ERCC6L: variants seen among roughly 807,000 people sequenced by gnomAD.
The protein encoded by ERCC6L is DNA excision repair protein ERCC-6-like.
A neutral mutation model predicts 20.1 loss-of-function variants in ERCC6L; 7 were observed. The ratio of observed to expected loss-of-function variants is 0.35; its 90% CI spans 0.20 to 0.65. The LOEUF (loss-of-function observed/expected upper bound fraction) is 0.65, where lower values mean the gene tolerates loss of function less well. Ranked by LOEUF, ERCC6L falls within the 30% of genes least tolerant of loss-of-function variation. The pLI is 0.69. For missense variants in ERCC6L, 592 were observed against 892.4 expected (o/e 0.66, Z 4.29); for synonymous variants, 278 against 331.3 (o/e 0.84, Z 1.75).
chrX:72,212,012 T>C (rs1282403841), intron 1 of ERCC6L, among the ~76,000 whole-genome samples: 1 of 111,331 alleles, frequency 9.0e-6, no homozygotes, highest in Non-Finnish European at 1.9e-5. Flanking sequence ...TGGTGGCTCA[T>C]GCCTGTAATC....
Position 72,208,565 on chromosome X carries a change from C to G in ERCC6L, c.202G>C (p.Glu68Gln). Reference sequence around the variant, plus strand: ...TCATCTCCCTGTTCTGCCAACTCCTCCAAGGCTTCCTGTATTTTTTGGATT... The same window carrying G: ...TCATCTCCCTGTTCTGCCAACTCCTGCAAGGCTTCCTGTATTTTTTGGATT... ...SRIQKIQEAL[E>Q]ELAEQGDDEF... is the part of the protein sequence containing the mutation. The change falls in exon 2 of 2, where the codon GAG becomes CAG. Residue 68 changes from glutamate to glutamine, a missense_variant. Physicochemically the swap from Glu to Gln is conservative, Grantham distance 29. This residue lies in a region of ERCC6L where 44 missense variants were observed against 49.8 expected (regional missense o/e 0.88). Coordinates refer to ENST00000334463, the MANE Select transcript of ERCC6L (RefSeq NM_017669.4). 3 of 1,211,819 alleles carry G rather than the reference C, an allele frequency of 2.5e-6. No individual in the cohort carries two copies. Among genetic ancestry groups the G allele is most frequent in the Non-Finnish European group, 3.4e-6 (3 of 895,516 alleles).
At chrX:72,210,069 G>T (rs1375892901) in intron 1 of ERCC6L, among the ~76,000 whole-genome samples, 2 of 108,893 alleles carry the variant, frequency 1.8e-5, no homozygotes, top group Admixed American at 1.0e-4. Flanking sequence ...CAGAGGGGGG[G>T]AAGAGATATA....
In ERCC6L at chrX:72,204,959, C is replaced by G. The variant is rs1455177182; in HGVS notation, c.*55G>C. The G allele has an allele frequency of 1.9e-6, 2 of 1,028,755 alleles. No individual in the cohort carries two copies. The highest frequency in any genetic ancestry group is 3.8e-5 in the African/African-American group (2 of 52,269). The allele number at this position is 1,028,755 out of a possible 1,213,427, so 84.8% of individuals were successfully genotyped here. ...TTCCCAAAGAATCCAATTATGGGAA[C>G]AAAAATTCCCTCATATTCAGTTTCA... On this transcript the variant is annotated 3_prime_UTR_variant, in exon 2 of 2. Coordinates refer to ENST00000334463, the MANE Select transcript of ERCC6L (RefSeq NM_017669.4).
intron 1 of ERCC6L, among the ~76,000 whole-genome samples, chrX:72,229,756 T>C (rs773401225): frequency 8.9e-6 from 1 of 111,846 alleles, no homozygotes; most frequent in East Asian, 2.8e-4. Flanking sequence ...GCCATCCATG[T>C]CATTCCCTTA....
chrX:72,212,456 T>C (rs747750339), intron 1 of ERCC6L, among the ~76,000 whole-genome samples: 55 of 111,015 alleles, frequency 5.0e-4, no homozygotes, highest in African/African-American at 1.8e-3. Flanking sequence ...TGCTGAAAAG[T>C]TTTTCTATCT....
chrX:72,210,183 T>C (rs1268800387), intron 1 of ERCC6L, among the ~76,000 whole-genome samples: 3 of 72,327 alleles, frequency 4.1e-5, no homozygotes, highest in Non-Finnish European at 6.7e-5. Context: ...CTGAATAACA[T>C]AGCGAGACTG....
intron 1 of ERCC6L, among the ~76,000 whole-genome samples, chrX:72,219,186 G>T (rs868776110): frequency 4.4e-4 from 49 of 110,842 alleles, no homozygotes; most frequent in African/African-American, 1.5e-3. Flanking sequence ...AACCCAGGAG[G>T]TGGAGGTTGC....
At chrX:72,224,211 T>C (rs2042941817) in intron 1 of ERCC6L, among the ~76,000 whole-genome samples, 1 of 111,341 alleles carries the variant, frequency 9.0e-6, no homozygotes, top group Admixed American at 9.6e-5. Context: ...GTTCATAATT[T>C]TCTGTTGTTG....
chrX:72,229,711 C>G (rs921069062), intron 1 of ERCC6L, among the ~76,000 whole-genome samples: 2 of 111,442 alleles, frequency 1.8e-5, no homozygotes, highest in Non-Finnish European at 3.8e-5. Flanking sequence ...CGACCTTTGC[C>G]CATCCCACCC....
chrX:72,204,711 A>C lies in ERCC6L; in HGVS notation c.*303T>G, dbSNP rs770993884. 1 of 170,688 alleles carries C rather than the reference A, an allele frequency of 5.9e-6. No homozygotes were observed. Among genetic ancestry groups the C allele is most frequent in the South Asian group, 1.9e-4 (1 of 5,303 alleles). The allele number at this position is 170,688 out of a possible 1,213,427, so 14.1% of individuals were successfully genotyped here. A position where few individuals can be genotyped will look rare whatever the true frequency, so the allele number is the denominator to read the frequency against. ...TTCTTATCTGAACTGTTATATACAAAGATGATCACTTTCAGAGTAAAATTA... is the reference window on the plus strand; with the variant it reads ...TTCTTATCTGAACTGTTATATACAACGATGATCACTTTCAGAGTAAAATTA... On this transcript the variant is annotated 3_prime_UTR_variant, in exon 2 of 2. Coordinates refer to ENST00000334463, the MANE Select transcript of ERCC6L (RefSeq NM_017669.4).
chrX:72,210,779 A>G (rs1297264219), intron 1 of ERCC6L, among the ~76,000 whole-genome samples: 2 of 111,732 alleles, frequency 1.8e-5, no homozygotes, highest in Non-Finnish European at 3.8e-5. Flanking sequence ...TGCCTGAACC[A>G]CAACGAGAGT....
intron 1 of ERCC6L, among the ~76,000 whole-genome samples, chrX:72,215,288 C>A (rs774391098): frequency 9.0e-6 from 1 of 111,569 alleles, no homozygotes; most frequent in Non-Finnish European, 1.9e-5. Flanking sequence ...TATTCTATAT[C>A]CTGATAGGGG....
chrX:72,219,847 C>CA (rs55860938), intron 1 of ERCC6L, among the ~76,000 whole-genome samples: 24,641 of 64,695 alleles, frequency 0.38, 3,431 homozygotes, highest in East Asian at 0.56. Flanking sequence ...GACTCCGTCT[C>CA]AAAAAAAAAA....
At chrX:72,236,627 T>C (rs2043018835) in intron 1 of ERCC6L, among the ~76,000 whole-genome samples, 1 of 112,054 alleles carries the variant, frequency 8.9e-6, no homozygotes, top group African/African-American at 3.2e-5. Context: ...CCGGGCTTCA[T>C]GGCACACACC....
At chrX:72,225,136 A>T (rs1437836579) in intron 1 of ERCC6L, among the ~76,000 whole-genome samples, 1 of 111,543 alleles carries the variant, frequency 9.0e-6, no homozygotes, top group African/African-American at 3.3e-5. Flanking sequence ...AACACTAGCC[A>T]TTTCTCAGTA....
At chrX:72,230,183 TA>T (rs563210083) in intron 1 of ERCC6L, among the ~76,000 whole-genome samples, 96 of 101,655 alleles carry the variant, frequency 9.4e-4, no homozygotes, top group African/African-American at 3.0e-3. Flanking sequence ...TCAAAAAAAA[TA>T]AAAAAAAAAA....
intron 1 of ERCC6L, among the ~76,000 whole-genome samples, chrX:72,223,839 T>A (rs1217196098): frequency 9.0e-6 from 1 of 111,593 alleles, no homozygotes; most frequent in Non-Finnish European, 1.9e-5. Flanking sequence ...AAGTGCCACA[T>A]CAGGGTTCCA....
Position 72,207,180 on chromosome X carries a change from G to A in ERCC6L, c.1587C>T (p.Tyr529=). The A allele has an allele frequency of 8.3e-7, 1 of 1,211,204 alleles. No homozygotes were observed. Among genetic ancestry groups the A allele is most frequent in the Non-Finnish European group, 1.1e-6 (1 of 895,301 alleles). Residue 529 remains tyrosine (Y), a synonymous_variant, in exon 2 of 2, where the codon TAC becomes TAT. Transcript: ENST00000334463. The stretch of plus-strand genomic sequence containing the variant: ...CTTGAGTGGTAAGCAGAAAAACAGA[G>A]TAATCTTTATTTTGCTGGAATAAGT... ...RINLFQQNKD[Y]SVFLLTTQVG... is the part of the protein sequence containing the mutation.
At chrX:72,236,362 C>T (rs1438155999) in intron 1 of ERCC6L, among the ~76,000 whole-genome samples, 1 of 111,252 alleles carries the variant, frequency 9.0e-6, no homozygotes, top group African/African-American at 3.3e-5. Flanking sequence ...GCAGTGGCGC[C>T]ATCTCAGCTC....
Sources: allele counts gnomAD v4.1 joint callset (sites outside exome capture counted in the v4.1 genomes callset), GRCh38; gene constraint gnomAD v4.1.1; regional missense constraint gnomAD v4.1.1; transcripts MANE v1.5; gene names NCBI Gene and HGNC (gene_info 2026-07-23, HGNC 2026-07-21).